TNRC6A: variants seen among roughly 807,000 people sequenced by gnomAD.
The protein encoded by TNRC6A is trinucleotide repeat-containing gene 6A protein.
A neutral mutation model predicts 221.2 loss-of-function variants in TNRC6A; 44 were observed. The ratio of observed to expected loss-of-function variants is 0.20; its 90% CI spans 0.16 to 0.26. The LOEUF (loss-of-function observed/expected upper bound fraction) is 0.26. Ranked by LOEUF, TNRC6A falls within the 10% of genes least tolerant of loss-of-function variation. The pLI is 1.00. For missense variants in TNRC6A, 2,199 were observed against 2,404.4 expected (o/e 0.91, Z 1.79); for synonymous variants, 847 against 838.5 (o/e 1.01, Z -0.18).
At chr16:24,699,588 G>A (rs541340675) in intron 2 of TNRC6A, among the ~76,000 whole-genome samples, 123 of 152,054 alleles carry the variant, frequency 8.1e-4, no homozygotes, top group African/African-American at 5.5e-4. Context: ...GCATGGTGGC[G>A]TGCACCTGTC....
chr16:24,703,817 C>T (rs558172736), intron 2 of TNRC6A, among the ~76,000 whole-genome samples: 1 of 152,004 alleles, frequency 6.6e-6, no homozygotes, highest in Admixed American at 6.6e-5. Context: ...GGCGTGGTGG[C>T]TCACGCCTGT....
intron 2 of TNRC6A, among the ~76,000 whole-genome samples, chr16:24,739,963 G>A (rs1450664364): frequency 2.0e-5 from 3 of 152,156 alleles, no homozygotes; most frequent in Admixed American, 1.3e-4. Context: ...TTCATTTTGA[G>A]TTAAGTTTTG....
At chr16:24,804,635 C>T (rs147228454) in intron 12 of TNRC6A, 70 bp from the exon 13 acceptor site, 35 of 1,522,386 alleles carry the variant, frequency 2.3e-5, no homozygotes, top group Non-Finnish European at 3.1e-5. Context: ...CTCTTCTGTT[C>T]CTGCAATGAT....
intron 2 of TNRC6A, among the ~76,000 whole-genome samples, chr16:24,720,414 T>C (rs1414348949): frequency 2.0e-5 from 3 of 150,778 alleles, no homozygotes; most frequent in Admixed American, 2.0e-4. Flanking sequence ...AGAGGTCAGG[T>C]GTGGGGGCTC....
intron 2 of TNRC6A, among the ~76,000 whole-genome samples, chr16:24,654,344 T>G (rs1902834121): frequency 6.6e-6 from 1 of 152,232 alleles, no homozygotes; most frequent in Non-Finnish European, 1.5e-5. Context: ...CTGTGCTTAA[T>G]GGCTAAGCTC....
intron 21 of TNRC6A, chr16:24,819,729 G>GTC: frequency 5.1e-6 from 1 of 196,958 alleles, no homozygotes. Context: ...TCCTGAGTTG[G>GTC]GGCTCTTTTG....
At position 24,642,514 on chromosome 16, in the gene TNRC6A, G is replaced by GAAT. The variant is rs1294693686; in HGVS notation, n.402+1507_402+1509dup. Reference sequence around the variant, plus strand: ...AATGACCTCAGAAGTAGAGGATAAGGAATAGCTTAAGAACAGAATCAGGCC... The same window carrying GAAT: ...AATGACCTCAGAAGTAGAGGATAAGGAATAATAGCTTAAGAACAGAATCAGGCC... On this transcript the variant is annotated intron_variant and non_coding_transcript_variant, in intron 2 of 2. Coordinates refer to the TNRC6A transcript ENST00000566108. Among the ~76,000 whole-genome samples, 12 of 152,080 alleles carry GAAT rather than the reference G, an allele frequency of 7.9e-5. No individual in the cohort carries two copies. The East Asian group carries it at 2.1e-3, about 27-fold the overall frequency.
At chr16:24,654,079 T>C (rs935436170) in intron 2 of TNRC6A, among the ~76,000 whole-genome samples, 1 of 152,120 alleles carries the variant, frequency 6.6e-6, no homozygotes, top group Non-Finnish European at 1.5e-5. Flanking sequence ...AATTTTTTAA[T>C]GTTTTGCAGA....
intron 2 of TNRC6A, among the ~76,000 whole-genome samples, chr16:24,648,418 C>G (rs552142272): frequency 1.6e-4 from 25 of 151,974 alleles, no homozygotes; most frequent in Admixed American, 7.9e-4. Context: ...CTACAGGTGC[C>G]CACCACCACG....
intron 2 of TNRC6A, among the ~76,000 whole-genome samples, chr16:24,684,296 T>G (rs1455384987): frequency 6.6e-6 from 1 of 152,054 alleles, no homozygotes; most frequent in Non-Finnish European, 1.5e-5. Flanking sequence ...TCCCAGCTAC[T>G]TGGGGGGCTG....
At chr16:24,779,139 A>T (rs545018034) in intron 5 of TNRC6A, among the ~76,000 whole-genome samples, 2 of 152,296 alleles carry the variant, frequency 1.3e-5, no homozygotes, top group South Asian at 4.2e-4. Context: ...TTCAGATGAG[A>T]AGAAGGCCTC....
At chr16:24,777,393 T>C in intron 5 of TNRC6A, 35 bp downstream of exon 5, 1 of 1,572,986 alleles carries the variant, frequency 6.4e-7, no homozygotes, top group South Asian at 1.1e-5. Flanking sequence ...ACTCACACCT[T>C]ATCATCATTA....
intron 2 of TNRC6A, among the ~76,000 whole-genome samples, chr16:24,675,919 AC>A (rs1378994049): frequency 2.7e-5 from 4 of 150,336 alleles, no homozygotes; most frequent in Non-Finnish European, 4.4e-5. Context: ...AGGATGTCCC[AC>A]CCTTGGTTTT....
chr16:24,731,150 A>G (rs1340876532), intron 2 of TNRC6A, among the ~76,000 whole-genome samples: 1 of 151,896 alleles, frequency 6.6e-6, no homozygotes, highest in African/African-American at 2.4e-5. Context: ...TCATATTGGG[A>G]CACTCAGGGA....
Position 24,823,859 on chromosome 16 carries a change from C to T in TNRC6A, c.*52C>T, listed in dbSNP as rs772893765. 9 of 1,368,810 alleles carry T rather than the reference C, an allele frequency of 6.6e-6. No homozygotes were observed. The South Asian group carries it at 1.2e-4, about 18-fold the overall frequency. 84.8% of individuals were successfully genotyped at this position (1,368,810 alleles called of 1,614,324 possible). A position where few individuals can be genotyped will look rare whatever the true frequency, so the allele number is the denominator to read the frequency against. ...GGACCTCAGACGCGAGGGAAAGGAGCACTAAGTGGGGCTCGCCGCCTGCAG... is the reference window on the plus strand; with the variant it reads ...GGACCTCAGACGCGAGGGAAAGGAGTACTAAGTGGGGCTCGCCGCCTGCAG... On this transcript the variant is annotated 3_prime_UTR_variant, in exon 25 of 25. Transcript: ENST00000395799. This position sits in a 1 kb window ranked among gnomAD's most constrained non-coding sequence, Gnocchi z 4.3.
chr16:24,634,338 G>A (rs1283105350), intron 1 of TNRC6A, among the ~76,000 whole-genome samples: 2 of 152,072 alleles, frequency 1.3e-5, no homozygotes, highest in African/African-American at 4.8e-5. Context: ...GCTGAGGCAG[G>A]TGGATCCTTT....
intron 5 of TNRC6A, among the ~76,000 whole-genome samples, chr16:24,785,432 A>G (rs2057945279): frequency 6.6e-6 from 1 of 152,136 alleles, no homozygotes; most frequent in Non-Finnish European, 1.5e-5. Flanking sequence ...GACTTTAAAT[A>G]TTTTTGCTAG....
rs539411673 is a variant in TNRC6A, at chr16:24,724,484, ACCTGTAATC to A, written n.403-26239_403-26231del. 6.6e-3 allele frequency among the ~76,000 whole-genome samples: 999 copies of A among 152,286 alleles called. 9 individuals are homozygous for A. Among genetic ancestry groups the A allele is most frequent in the Non-Finnish European group, 9.7e-3 (663 of 68,020 alleles). On this transcript the variant is annotated intron_variant and non_coding_transcript_variant, in intron 2 of 2. Coordinates refer to the TNRC6A transcript ENST00000566108. ...CACTTGGCTGTGCGTGGTGGCTCAC[ACCTGTAATC>A]CCAGCACTTTGGGAGGCCGAGGCAG...
intron 2 of TNRC6A, among the ~76,000 whole-genome samples, chr16:24,722,512 TG>T (rs1284169363): frequency 2.6e-5 from 4 of 152,166 alleles, no homozygotes; most frequent in African/African-American, 9.6e-5. Context: ...CTTGGCTCAC[TG>T]TAACCTCCAC....
Sources: allele counts gnomAD v4.1 joint callset (sites outside exome capture counted in the v4.1 genomes callset), GRCh38; gene constraint gnomAD v4.1.1; non-coding constraint Gnocchi (gnomAD v3.1); transcripts MANE v1.5; gene names NCBI Gene and HGNC (gene_info 2026-07-23, HGNC 2026-07-21).